Variants in IRAK1BP1 observed in about 807,000 individuals in gnomAD.
IRAK1BP1 encodes interleukin-1 receptor-associated kinase 1-binding protein 1.
A neutral mutation model predicts 28.0 loss-of-function variants in IRAK1BP1; 24 were observed. The observed-to-expected ratio is 0.86, with a 90% CI of 0.62 to 1.20. The LOEUF is 1.20. Ranked by LOEUF, IRAK1BP1 falls within the 50% of genes most tolerant of loss-of-function variation. The pLI, the probability that IRAK1BP1 is intolerant of heterozygous loss-of-function variation, is 0.00. For missense variants in IRAK1BP1, 336 were observed against 316.7 expected (o/e 1.06, Z -0.46); for synonymous variants, 131 against 116.3 (o/e 1.13, Z -0.81).
chr6:78,877,502 G>T (rs1771044007), intron 1 of IRAK1BP1, among the ~76,000 whole-genome samples: 1 of 152,154 alleles, frequency 6.6e-6, no homozygotes, highest in Admixed American at 6.6e-5. Context: ...AAACTACTGG[G>T]CTGGCATAGG....
chr6:78,958,318 G>C, the IRAK1BP1 span: 6 of 491,260 alleles, frequency 1.2e-5, no homozygotes, highest in Non-Finnish European at 2.2e-5. Context: ...TCAAACCAGA[G>C]ACCTTTAGAT....
At chr6:78,870,589 G>A (rs1325097831) in intron 1 of IRAK1BP1, among the ~76,000 whole-genome samples, 1 of 152,234 alleles carries the variant, frequency 6.6e-6, no homozygotes, top group Non-Finnish European at 1.5e-5. Context: ...GAACTTGTGT[G>A]AAGGTATAAT....
At chr6:78,896,561 T>A (rs1208937215) in intron 2 of IRAK1BP1, among the ~76,000 whole-genome samples, 2 of 152,166 alleles carry the variant, frequency 1.3e-5, no homozygotes, top group Non-Finnish European at 2.9e-5. Context: ...GTTTAGGAAC[T>A]GGGGAAGGAA....
chr6:78,884,858 T>G (rs771034522), intron 1 of IRAK1BP1, among the ~76,000 whole-genome samples: 1 of 152,066 alleles, frequency 6.6e-6, no homozygotes, highest in Non-Finnish European at 1.5e-5. Context: ...CTTCATACTT[T>G]CATTATAAGG....
chr6:78,941,871 A>T (rs1773519793), intron 4 of IRAK1BP1, among the ~76,000 whole-genome samples: 1 of 152,198 alleles, frequency 6.6e-6, no homozygotes, highest in Non-Finnish European at 1.5e-5. Context: ...CTCCATGATA[A>T]AAGGCCATTA....
intron 2 of IRAK1BP1, among the ~76,000 whole-genome samples, chr6:78,896,652 A>G (rs1023860250): frequency 1.3e-5 from 2 of 151,984 alleles, no homozygotes; most frequent in Admixed American, 6.6e-5. Context: ...ACAAAGTTCT[A>G]TACCTTTTTC....
intron 2 of IRAK1BP1, among the ~76,000 whole-genome samples, chr6:78,887,091 C>CA (rs1771455314): frequency 6.6e-6 from 1 of 152,118 alleles, no homozygotes; most frequent in Non-Finnish European, 1.5e-5. Flanking sequence ...TTAGCAAACA[C>CA]TAGAGCCTAA....
chr6:78,875,589 A>G (rs1285649847), intron 1 of IRAK1BP1, among the ~76,000 whole-genome samples: 1 of 152,232 alleles, frequency 6.6e-6, no homozygotes, highest in Admixed American at 6.5e-5. Context: ...AGTAATATGG[A>G]TAAGGCTTGA....
At chr6:78,888,520 A>ATTT (rs35503114) in intron 2 of IRAK1BP1, among the ~76,000 whole-genome samples, 15 of 143,888 alleles carry the variant, frequency 1.0e-4, no homozygotes, top group Non-Finnish European at 1.7e-4. Flanking sequence ...TACAGCTCCA[A>ATTT]TTTTTTTTTT....
At chr6:78,920,417 G>T (rs1772692160) in intron 4 of IRAK1BP1, among the ~76,000 whole-genome samples, 1 of 152,146 alleles carries the variant, frequency 6.6e-6, no homozygotes. Context: ...GATGGTACTG[G>T]TACAAAAACA....
At chr6:78,963,504 C>A in the IRAK1BP1 span, among the ~76,000 whole-genome samples, 1 of 152,028 alleles carries the variant, frequency 6.6e-6, no homozygotes, top group Non-Finnish European at 1.5e-5. Flanking sequence ...GCTCTGTAAT[C>A]AAGTACATGT....
chr6:78,867,739 G>A lies in IRAK1BP1; in HGVS notation c.163G>A (p.Val55Ile), dbSNP rs1772150006. ...QAQTATREVQ[V>I]SGTSEVSAGP... ...CCAAACTGCTACCCGCGAGGTGCAAGTAAGCGGCACCTCAGAAGTGTCTGC... is the reference window on the plus strand; with the variant it reads ...CCAAACTGCTACCCGCGAGGTGCAAATAAGCGGCACCTCAGAAGTGTCTGC... Residue 55 changes from valine (V) to isoleucine (I), a missense_variant, in exon 1 of 4, where the codon GTA becomes ATA. Val to Ile is a conservative substitution (Grantham distance 29). Transcript: ENST00000369940. The A allele has an allele frequency of 6.2e-7, 1 of 1,614,266 alleles. No individual in the cohort carries two copies. Among genetic ancestry groups the A allele is most frequent in the Non-Finnish European group, 8.5e-7 (1 of 1,180,050 alleles).
the IRAK1BP1 span, among the ~76,000 whole-genome samples, chr6:78,973,957 G>T: frequency 6.6e-6 from 1 of 151,904 alleles, no homozygotes; most frequent in Non-Finnish European, 1.5e-5. Context: ...GTCAACATTA[G>T]ACAGATCAAC....
chr6:78,933,228 G>C (rs1273694284), intron 4 of IRAK1BP1, among the ~76,000 whole-genome samples: 1 of 152,134 alleles, frequency 6.6e-6, no homozygotes, highest in African/African-American at 2.4e-5. Flanking sequence ...AATTTGTATA[G>C]ATTTTCATCA....
At chr6:78,885,299 G>C (rs993200339) in intron 1 of IRAK1BP1, 79 bp from the exon 2 acceptor site, 5 of 765,160 alleles carry the variant, frequency 6.5e-6, no homozygotes, top group African/African-American at 5.5e-5. Context: ...ATTTTAATTA[G>C]TGTAGGTTTC....
At chr6:78,918,578 TAAAA>T (rs58669467) in intron 4 of IRAK1BP1, among the ~76,000 whole-genome samples, 1 of 66,784 alleles carries the variant, frequency 1.5e-5, no homozygotes, top group Non-Finnish European at 2.6e-5. Context: ...CCAAAAACAG[TAAAA>T]AAAAAAAAAA....
At chr6:78,887,680 A>AAAC (rs549997370) in intron 2 of IRAK1BP1, among the ~76,000 whole-genome samples, 1,897 of 152,158 alleles carry the variant, frequency 0.012, 38 homozygotes, top group African/African-American at 0.041. Flanking sequence ...ACACACACAA[A>AAAC]AACAACAACA....
intron 2 of IRAK1BP1, among the ~76,000 whole-genome samples, chr6:78,890,632 A>G (rs985813970): frequency 6.6e-6 from 1 of 152,212 alleles, no homozygotes; most frequent in Non-Finnish European, 1.5e-5. Flanking sequence ...GTTCTAGAGA[A>G]AGAAAAATAG....
chr6:78,914,994 A>G (rs1214772434), intron 4 of IRAK1BP1, among the ~76,000 whole-genome samples: 1 of 148,476 alleles, frequency 6.7e-6, no homozygotes, highest in Non-Finnish European at 1.5e-5. Context: ...CTAATTTTGT[A>G]TTTTTAGTAG....
Sources: gnomAD v4.1 joint callset for allele counts (sites outside exome capture counted in the v4.1 genomes callset) on GRCh38, gnomAD v4.1.1 for gene constraint, MANE v1.5 for transcripts, NCBI Gene and HGNC (gene_info 2026-07-23, HGNC 2026-07-21) for gene names.